The following LRRC7 variants were observed in gnomAD, a reference collection of about 807,000 sequenced individuals.
LRRC7 encodes the protein leucine-rich repeat-containing protein 7.
Under a neutral mutation model 175.7 loss-of-function variants are expected in LRRC7, and 23 were observed. The ratio of observed to expected loss-of-function variants is 0.13; its 90% CI spans 0.09 to 0.19. The LOEUF is 0.19. Among genes scored for constraint, LRRC7 ranks in the 10% least tolerant of loss-of-function variants. The pLI is 1.00. For missense variants in LRRC7, 1,354 were observed against 1,904.7 expected (o/e 0.71, Z 5.38); for synonymous variants, 685 against 680.9 (o/e 1.01, Z -0.09).
At position 69,842,236 on chromosome 1, in the gene LRRC7, A is replaced by G. The variant is rs190048583; in HGVS notation, c.647+3953A>G. 5.8e-3 allele frequency among the ~76,000 whole-genome samples: 886 copies of G among 152,244 alleles called. 5 individuals carry two copies. The highest frequency in any genetic ancestry group is 9.7e-3 in the Non-Finnish European group (658 of 67,988). ...ATTTTTTCCACAGAAGTAACATAAC[A>G]TCATATAAATGGTTGGTAATAATGG... On this transcript the variant is annotated intron_variant, in intron 7 of 26. Transcript: ENST00000651989.
rs188796499 is a variant in LRRC7, at chr1:69,869,704, G to T, written c.647+31421G>T. On this transcript the variant is annotated intron_variant, in intron 7 of 26. Transcript: ENST00000651989. ...TGAAAGAGACAGTAAAGTATGAGGTGAAGCAGGAAAGGCACTTATCATAGA... is the reference window on the plus strand; with the variant it reads ...TGAAAGAGACAGTAAAGTATGAGGTTAAGCAGGAAAGGCACTTATCATAGA... Among the ~76,000 whole-genome samples the T allele has an allele frequency of 1.7e-3, 255 of 152,278 alleles. 2 individuals are homozygous for T. Among genetic ancestry groups the T allele is most frequent in the Non-Finnish European group, 2.3e-3 (154 of 68,006 alleles).
At chr1:69,588,990 T>TGTGTGTGTGC (rs1553121577) in intron 1 of LRRC7, among the ~76,000 whole-genome samples, 1 of 150,996 alleles carries the variant, frequency 6.6e-6, no homozygotes, top group African/African-American at 2.4e-5. Context: ...GGGGTCTGTG[T>TGTGTGTGTGC]GTGTGTGTGT....
At chr1:69,587,698 G>A (rs976797241) in intron 1 of LRRC7, among the ~76,000 whole-genome samples, 4 of 152,066 alleles carry the variant, frequency 2.6e-5, no homozygotes, top group Non-Finnish European at 4.4e-5. Flanking sequence ...TGATAGTGAG[G>A]GAGAGCCATG....
intron 23 of LRRC7, among the ~76,000 whole-genome samples, chr1:70,075,775 C>A (rs189686593): frequency 1.3e-5 from 2 of 152,038 alleles, no homozygotes; most frequent in Non-Finnish European, 2.9e-5. Flanking sequence ...TTTTAAGTTG[C>A]GACTTAATTT....
chr1:69,626,586 A>G (rs921692511), intron 1 of LRRC7, among the ~76,000 whole-genome samples: 18 of 151,912 alleles, frequency 1.2e-4, no homozygotes, highest in South Asian at 6.3e-4. Flanking sequence ...TTATTATACT[A>G]TAAGTTCTAG....
intron 2 of LRRC7, among the ~76,000 whole-genome samples, chr1:69,699,433 G>A (rs114872424): frequency 0.019 from 2,869 of 152,024 alleles, 73 homozygotes; most frequent in African/African-American, 0.066. Context: ...CCAGCTACTC[G>A]GGAGGCTGAG....
intron 7 of LRRC7, among the ~76,000 whole-genome samples, chr1:69,845,172 G>A (rs1203995541): frequency 6.6e-6 from 1 of 152,026 alleles, no homozygotes; most frequent in Non-Finnish European, 1.5e-5. Flanking sequence ...GATCACTTGA[G>A]CAAAGGAGGT....
At chr1:69,817,043 G>A (rs1271828141) in intron 4 of LRRC7, among the ~76,000 whole-genome samples, 1 of 151,990 alleles carries the variant, frequency 6.6e-6, no homozygotes, top group Non-Finnish European at 1.5e-5. Flanking sequence ...TATATGTGTA[G>A]ATAAGATATA....
chr1:69,815,305 T>C (rs1265155830), intron 4 of LRRC7, among the ~76,000 whole-genome samples: 1 of 152,210 alleles, frequency 6.6e-6, no homozygotes, highest in East Asian at 1.9e-4. Flanking sequence ...AACTTGAACA[T>C]CTGAAAATAT....
chr1:69,801,628 C>T (rs1031386239), intron 4 of LRRC7, among the ~76,000 whole-genome samples: 5 of 151,388 alleles, frequency 3.3e-5, no homozygotes, highest in South Asian at 2.1e-4. Context: ...TAGTCTAGCT[C>T]GTAGTCTATC....
At chr1:69,589,332 G>A (rs1646538016) in intron 1 of LRRC7, among the ~76,000 whole-genome samples, 2 of 151,988 alleles carry the variant, frequency 1.3e-5, no homozygotes, top group Admixed American at 6.6e-5. Flanking sequence ...AATCACTCAG[G>A]TATCTATATT....
At chr1:69,942,780 G>T (rs982580229) in intron 8 of LRRC7, among the ~76,000 whole-genome samples, 1 of 151,976 alleles carries the variant, frequency 6.6e-6, no homozygotes, top group Admixed American at 6.6e-5. Context: ...AATCACATCT[G>T]TAATTTCTTT....
intron 7 of LRRC7, among the ~76,000 whole-genome samples, chr1:69,908,295 C>G (rs1646394733): frequency 6.6e-6 from 1 of 151,974 alleles, no homozygotes; most frequent in African/African-American, 2.4e-5. Flanking sequence ...TATTTCTTGC[C>G]TTCTGCTAGC....
intron 8 of LRRC7, among the ~76,000 whole-genome samples, chr1:69,975,055 G>A (rs565589511): frequency 6.6e-6 from 1 of 152,264 alleles, no homozygotes; most frequent in East Asian, 1.9e-4. Context: ...TAGATTAAAT[G>A]AGATCCTTTA....
At chr1:69,731,146 C>G (rs1374013186) in intron 2 of LRRC7, among the ~76,000 whole-genome samples, 2 of 151,740 alleles carry the variant, frequency 1.3e-5, no homozygotes, top group Non-Finnish European at 2.9e-5. Context: ...ACTAAAAATA[C>G]AAAAAAATAG....
intron 1 of LRRC7, among the ~76,000 whole-genome samples, chr1:69,661,839 G>T (rs1657520668): frequency 6.6e-6 from 1 of 151,868 alleles, no homozygotes; most frequent in Non-Finnish European, 1.5e-5. Flanking sequence ...TTTCATATTT[G>T]CCAGCTCTCC....
chr1:69,947,345 C>T (rs934256745), intron 8 of LRRC7, among the ~76,000 whole-genome samples: 1 of 151,698 alleles, frequency 6.6e-6, no homozygotes, highest in Non-Finnish European at 1.5e-5. Context: ...TTTTTCTTCT[C>T]TTTCTGTTTT....
rs1269514558 is a variant in LRRC7, at chr1:70,039,503, T to C, written c.3679T>C (p.Phe1227Leu). The C allele has an allele frequency of 1.2e-6, 2 of 1,613,988 alleles. No individual in the cohort carries two copies. Among genetic ancestry groups the C allele is most frequent in the Non-Finnish European group, 1.7e-6 (2 of 1,180,018 alleles). The change falls in exon 21 of 27, where the codon TTT (phenylalanine) becomes CTT (leucine). Residue 1227 changes from phenylalanine to leucine, a missense_variant. Physicochemically the swap from Phe to Leu is conservative, Grantham distance 22. Transcript: ENST00000651989. ...AGAAGTGAAAGCTCAGGCGGGAAGTTTTCCGGTTAAAAACCTTACCCAAAG... is the reference window on the plus strand; with the variant it reads ...AGAAGTGAAAGCTCAGGCGGGAAGTCTTCCGGTTAAAAACCTTACCCAAAG... Reference protein sequence around the residue: ...YQEVKAQAGSFPVKNLTQRRP... With the variant: ...YQEVKAQAGSLPVKNLTQRRP...
chr1:69,632,834 A>G (rs1652725567), intron 1 of LRRC7, among the ~76,000 whole-genome samples: 1 of 152,182 alleles, frequency 6.6e-6, no homozygotes. Flanking sequence ...TTTGCTAAGT[A>G]GTTTCTAATT....
Sources: gnomAD v4.1 joint callset for allele counts (sites outside exome capture counted in the v4.1 genomes callset) on GRCh38, gnomAD v4.1.1 for gene constraint, MANE v1.5 for transcripts, NCBI Gene and HGNC (gene_info 2026-07-23, HGNC 2026-07-21) for gene names.